ABCC9: variants seen among roughly 807,000 people sequenced by gnomAD.
ABCC9 encodes the protein ATP binding cassette subfamily C member 9.
Under a neutral mutation model 188.3 loss-of-function variants are expected in ABCC9, and 95 were observed. The observed-to-expected ratio is 0.50, with a 90% CI of 0.43 to 0.60. The LOEUF (loss-of-function observed/expected upper bound fraction) is 0.60. Ranked by LOEUF, ABCC9 falls within the 20% of genes least tolerant of loss-of-function variation. ABCC9 has a pLI of 0.00. For missense variants in ABCC9, 1,102 were observed against 1,876.3 expected, an observed-to-expected ratio of 0.59 and a Z score of 7.62; for synonymous variants, 659 against 652.7, an observed-to-expected ratio of 1.01 and a Z score of -0.15.
chr12:21,882,721 CAT>C (rs1565443503), intron 16 of ABCC9, 43 bp downstream of exon 16: 29 of 1,498,744 alleles, frequency 1.9e-5, no homozygotes, highest in Non-Finnish European at 2.6e-5. Flanking sequence ...AAAATAGTAA[CAT>C]AAATGTTTCT....
At chr12:21,824,746 T>C (rs775102561) in intron 31 of ABCC9, among the ~76,000 whole-genome samples, 1 of 152,116 alleles carries the variant, frequency 6.6e-6, no homozygotes, top group Non-Finnish European at 1.5e-5. Flanking sequence ...AGAAATTTAT[T>C]CATTTCTTCT....
chr12:21,865,181 A>G (rs1224077220), intron 18 of ABCC9, among the ~76,000 whole-genome samples: 1 of 152,154 alleles, frequency 6.6e-6, no homozygotes, highest in African/African-American at 2.4e-5. Flanking sequence ...ACGTGAATTC[A>G]ATAACCATAC....
chr12:21,877,260 C>G (rs1946407589), intron 16 of ABCC9, among the ~76,000 whole-genome samples: 1 of 152,102 alleles, frequency 6.6e-6, no homozygotes, highest in Non-Finnish European at 1.5e-5. Context: ...CACACAGACA[C>G]TAAGTACAAC....
At chr12:21,892,426 G>C (rs1217075490) in intron 14 of ABCC9, among the ~76,000 whole-genome samples, 1 of 152,142 alleles carries the variant, frequency 6.6e-6, no homozygotes, top group Non-Finnish European at 1.5e-5. Flanking sequence ...TTGCTGAGTG[G>C]AGAAAATGAA....
rs1941215703 is a variant in ABCC9, at chr12:21,797,633, G to C, written c.*3411C>G. ...TTAGGCACTTGTATTAAATTCCAAG[G>C]GCACAATGGCAAACAAGACATGGTC... On this transcript the variant is annotated 3_prime_UTR_variant, in exon 40 of 40. Transcript: ENST00000261200. The C allele has an allele frequency of 6.6e-6, 1 of 152,020 alleles. No homozygotes were observed. The highest frequency in any genetic ancestry group is 2.4e-5 in the African/African-American group (1 of 41,392). The allele number at this position is 152,020 out of a possible 1,614,324, so 9.4% of individuals were successfully genotyped here. A position where few individuals can be genotyped will look rare whatever the true frequency, so the allele number is the denominator to read the frequency against.
intron 2 of ABCC9, among the ~76,000 whole-genome samples, chr12:21,939,430 C>A (rs542171163): frequency 1.3e-5 from 2 of 152,268 alleles, no homozygotes; most frequent in East Asian, 3.9e-4. Flanking sequence ...TTGTGTTTAT[C>A]AAAGGCATTT....
At chr12:21,914,908 T>A (rs1948471180) in intron 7 of ABCC9, among the ~76,000 whole-genome samples, 1 of 151,716 alleles carries the variant, frequency 6.6e-6, no homozygotes. Context: ...TCCTTTTTTT[T>A]TTTTTTTTTG....
At chr12:21,867,230 A>G (rs1299943405) in intron 18 of ABCC9, among the ~76,000 whole-genome samples, 2 of 152,156 alleles carry the variant, frequency 1.3e-5, no homozygotes, top group Admixed American at 1.3e-4. Flanking sequence ...GCCCTCTCAC[A>G]TATCAATATG....
At chr12:21,933,547 A>C (rs890508200) in intron 4 of ABCC9, among the ~76,000 whole-genome samples, 20 of 152,136 alleles carry the variant, frequency 1.3e-4, no homozygotes, top group African/African-American at 4.8e-4. Context: ...TAATATATTA[A>C]CATAAGTATA....
intron 22 of ABCC9, among the ~76,000 whole-genome samples, chr12:21,855,755 G>A (rs1945196289): frequency 6.6e-6 from 1 of 152,148 alleles, no homozygotes; most frequent in South Asian, 2.1e-4. Flanking sequence ...CATTTCAAAA[G>A]TGTTGCTTTA....
At chr12:21,895,646 AC>A (rs1947365629) in intron 12 of ABCC9, among the ~76,000 whole-genome samples, 1 of 152,248 alleles carries the variant, frequency 6.6e-6, no homozygotes, top group South Asian at 2.1e-4. Context: ...CAGAGGGGTT[AC>A]AGTCTATCTT....
intron 4 of ABCC9, among the ~76,000 whole-genome samples, chr12:21,932,060 A>T (rs1197099797): frequency 6.6e-6 from 1 of 152,148 alleles, no homozygotes; most frequent in Non-Finnish European, 1.5e-5. Flanking sequence ...TAAATTTTAG[A>T]CTTTCCTATC....
intron 34 of ABCC9, 73 bp from the exon 35 acceptor site, chr12:21,814,795 T>G: frequency 1.7e-6 from 2 of 1,203,382 alleles, no homozygotes; most frequent in Admixed American, 3.4e-5. Flanking sequence ...GTTTTGTTTT[T>G]TAACTTAAGA....
At chr12:21,894,487 C>A (rs1947309801) in intron 13 of ABCC9, among the ~76,000 whole-genome samples, 1 of 152,124 alleles carries the variant, frequency 6.6e-6, no homozygotes, top group African/African-American at 2.4e-5. Context: ...TTTCAACAAC[C>A]AGTCAAGCCC....
intron 30 of ABCC9, among the ~76,000 whole-genome samples, chr12:21,830,885 A>C (rs1943713859): frequency 6.6e-6 from 1 of 152,144 alleles, no homozygotes; most frequent in African/African-American, 2.4e-5. Flanking sequence ...TGACCTTTTT[A>C]GGGATGAATA....
intron 12 of ABCC9, among the ~76,000 whole-genome samples, chr12:21,903,619 A>T (rs1947881587): frequency 6.6e-6 from 1 of 152,246 alleles, no homozygotes; most frequent in Admixed American, 6.5e-5. Flanking sequence ...AATCACAAAC[A>T]TTCCTATACA....
chr12:21,811,391 G>A (rs1356023092), intron 36 of ABCC9, among the ~76,000 whole-genome samples: 5 of 152,126 alleles, frequency 3.3e-5, no homozygotes, highest in Non-Finnish European at 5.9e-5. Flanking sequence ...TTGGAATCAG[G>A]CAAACTTCAG....
chr12:21,806,082 A>G, intron 38 of ABCC9, 22 bp from the exon 39 acceptor site: 1 of 1,604,140 alleles, frequency 6.2e-7, no homozygotes, highest in Non-Finnish European at 8.5e-7. Flanking sequence ...AAAAAGTGTA[A>G]ATTTTCTCGG....
At chr12:21,926,553 A>G (rs144645306) in intron 4 of ABCC9, among the ~76,000 whole-genome samples, 7 of 152,350 alleles carry the variant, frequency 4.6e-5, no homozygotes, top group African/African-American at 1.7e-4. Flanking sequence ...AAGACGTAAC[A>G]TCTGTAGTAA....
Sources: allele counts gnomAD v4.1 joint callset (sites outside exome capture counted in the v4.1 genomes callset), GRCh38; gene constraint gnomAD v4.1.1; transcripts MANE v1.5; gene names NCBI Gene and HGNC (gene_info 2026-07-23, HGNC 2026-07-21).